The following TANC2 variants were observed in gnomAD, a reference collection of about 807,000 sequenced individuals.
TANC2 encodes the protein protein TANC2.
In TANC2, 26 loss-of-function variants were observed where a neutral mutation model predicts 210.5. The observed-to-expected ratio is 0.12, with a 90% confidence interval of 0.09 to 0.17. The LOEUF (loss-of-function observed/expected upper bound fraction) is 0.17. TANC2 is among the 10% of genes least tolerant of loss of function. TANC2 has a pLI of 1.00. For missense variants in TANC2, 2,129 were observed against 2,608.9 expected, an observed-to-expected ratio of 0.82 and a Z score of 4.01; for synonymous variants, 931 against 967.1, an observed-to-expected ratio of 0.96 and a Z score of 0.69.
intron 4 of TANC2, chr17:63,149,198 G>A (rs1031688244): frequency 3.3e-5 from 5 of 151,996 alleles, no homozygotes; most frequent in Admixed American, 2.6e-4. Flanking sequence ...TTAGTAAGAG[G>A]TTTTATTTTT....
At chr17:63,348,566 TC>T (rs1487520979) in intron 12 of TANC2, among the ~76,000 whole-genome samples, 3 of 152,230 alleles carry the variant, frequency 2.0e-5, no homozygotes, top group Non-Finnish European at 4.4e-5. Flanking sequence ...AATGTAGTTT[TC>T]CATATATATG....
At chr17:63,060,339 G>A (rs1372740413) in intron 2 of TANC2, among the ~76,000 whole-genome samples, 3 of 152,172 alleles carry the variant, frequency 2.0e-5, no homozygotes, top group African/African-American at 7.2e-5. Flanking sequence ...TCCTCGTTTG[G>A]GCTGGGCGTG....
chr17:63,328,894 A>G (rs567903902), intron 11 of TANC2, among the ~76,000 whole-genome samples: 59 of 152,314 alleles, frequency 3.9e-4, no homozygotes, highest in African/African-American at 1.4e-3. Context: ...ATTGTACCCC[A>G]TAAATGTATG....
intron 2 of TANC2, among the ~76,000 whole-genome samples, chr17:63,026,833 C>T (rs1295816019): frequency 6.6e-6 from 1 of 152,134 alleles, no homozygotes; most frequent in Non-Finnish European, 1.5e-5. Context: ...TTAAATGTTA[C>T]AAGCCTTTTT....
rs565129239 is a variant in TANC2, at chr17:63,126,876, C to T, written c.323-24394C>T. On this transcript the variant is annotated intron_variant, in intron 4 of 27. Transcript: ENST00000689528. ...CCCCCACTGATTCTTAGGACTCTAA[C>T]AGTATTATAGTGCCTAGAAAAGAAA... Among the ~76,000 whole-genome samples the T allele has an allele frequency of 2.0e-5, 3 of 152,200 alleles. No homozygotes were observed. The South Asian group carries it at 6.2e-4, about 32-fold the overall frequency.
intron 9 of TANC2, among the ~76,000 whole-genome samples, chr17:63,296,422 C>T (rs144582225): frequency 6.6e-6 from 1 of 152,188 alleles, no homozygotes; most frequent in East Asian, 1.9e-4. Flanking sequence ...TAAGCAATAA[C>T]AGCAAGCCCT....
rs148974773 is a variant in TANC2 at position 63,364,499 on chromosome 17, T to C, written c.2582+9109T>C. 1.9e-3 allele frequency among the ~76,000 whole-genome samples: 292 copies of C among 152,324 alleles called. 1 individual carries two copies. Among genetic ancestry groups the C allele is most frequent in the South Asian group, 3.9e-3 (19 of 4,832 alleles). ...CTAAGTCTATATACATACAGAGATA[T>C]AGTTCTGCTTGTGATAAGTTGGAAA... On this transcript the variant is annotated intron_variant, in intron 14 of 27. Transcript: ENST00000689528.
intron 4 of TANC2, chr17:63,149,859 G>A (rs1427420009): frequency 6.6e-6 from 1 of 152,108 alleles, no homozygotes; most frequent in African/African-American, 2.4e-5. Context: ...GAACCATACT[G>A]TTAGGACTCT....
intron 14 of TANC2, among the ~76,000 whole-genome samples, chr17:63,372,335 C>G (rs2047293374): frequency 6.6e-6 from 1 of 152,122 alleles, no homozygotes; most frequent in Admixed American, 6.6e-5. Flanking sequence ...GATCTGTGGA[C>G]TTCTCTTCTG....
At chr17:63,302,749 T>C (rs1275908181) in intron 9 of TANC2, among the ~76,000 whole-genome samples, 5 of 151,908 alleles carry the variant, frequency 3.3e-5, no homozygotes, top group South Asian at 2.1e-4. Flanking sequence ...TTATCCGATT[T>C]GCCAGTCTGT....
At chr17:63,057,995 T>C (rs1178237443) in intron 2 of TANC2, among the ~76,000 whole-genome samples, 1 of 152,176 alleles carries the variant, frequency 6.6e-6, no homozygotes, top group East Asian at 1.9e-4. Context: ...TTTTAGTTCT[T>C]TGAGGAATTG....
At chr17:63,288,548 A>G (rs74251225) in intron 9 of TANC2, among the ~76,000 whole-genome samples, 5,483 of 152,250 alleles carry the variant, frequency 0.036, 601 homozygotes, top group East Asian at 0.28. Context: ...ATTTGATGGT[A>G]TCGTTGAGTT....
At position 63,149,902 on chromosome 17, in the gene TANC2, A is replaced by C. The variant is rs140803396; in HGVS notation, c.323-1368A>C. 1.9e-4 allele frequency: 29 copies of C among 152,310 alleles called. No individual in the cohort carries two copies. In the East Asian group the frequency reaches 5.6e-3, roughly 29 times the overall value. The allele number at this position is 152,310 out of a possible 1,614,324, so 9.4% of individuals were successfully genotyped here. A position where few individuals can be genotyped will look rare whatever the true frequency, so the allele number is the denominator to read the frequency against. ...AGGCCTTTGTTGCCATGGAGACAGT[A>C]ACAGGCTTTATTATTTTTTAACATA... is the stretch of plus-strand genomic sequence containing the variant. On this transcript the variant is annotated intron_variant, in intron 4 of 27. Transcript: ENST00000689528.
chr17:63,145,334 G>A (rs963993126), intron 4 of TANC2, among the ~76,000 whole-genome samples: 2 of 152,000 alleles, frequency 1.3e-5, no homozygotes, highest in Non-Finnish European at 2.9e-5. Context: ...TCCCACTACA[G>A]AAAATTCATG....
chr17:63,107,130 AAACAAT>A (rs2037856989), intron 4 of TANC2, among the ~76,000 whole-genome samples: 1 of 151,680 alleles, frequency 6.6e-6, no homozygotes, highest in Non-Finnish European at 1.5e-5. Flanking sequence ...AATGGAAGAA[AAACAAT>A]AAGAAAAATA....
intron 21 of TANC2, 149 bp downstream of exon 21, chr17:63,406,426 T>G: frequency 9.1e-7 from 1 of 1,103,604 alleles, no homozygotes; most frequent in Non-Finnish European, 1.3e-6. Flanking sequence ...CCCTCTTGTA[T>G]TCAGTGTAAT....
intron 8 of TANC2, among the ~76,000 whole-genome samples, chr17:63,263,969 A>G (rs937576573): frequency 2.6e-5 from 4 of 152,340 alleles, no homozygotes; most frequent in African/African-American, 9.6e-5. Context: ...TAACAGCTCA[A>G]CATAATCATT....
chr17:63,297,375 C>A (rs1024108367), intron 9 of TANC2, among the ~76,000 whole-genome samples: 4 of 151,338 alleles, frequency 2.6e-5, no homozygotes, highest in Non-Finnish European at 4.4e-5. Context: ...ACATAAAAGA[C>A]CAATGTAATA....
At chr17:63,366,742 AAGG>A (rs1180188244) in intron 14 of TANC2, among the ~76,000 whole-genome samples, 2 of 152,314 alleles carry the variant, frequency 1.3e-5, no homozygotes, top group East Asian at 3.9e-4. Context: ...TTACTTTCAC[AAGG>A]GTCATACATT....
Sources: allele counts gnomAD v4.1 joint callset (sites outside exome capture counted in the v4.1 genomes callset), GRCh38; gene constraint gnomAD v4.1.1; transcripts MANE v1.5; gene names NCBI Gene and HGNC (gene_info 2026-07-23, HGNC 2026-07-21).